PCSK9: variants seen among roughly 807,000 people sequenced by gnomAD.
PCSK9 encodes proprotein convertase subtilisin/kexin type 9.
A neutral mutation model predicts 62.1 loss-of-function variants in PCSK9; 57 were observed. That is an observed-to-expected ratio of 0.92 (90% CI 0.74 to 1.14). The LOEUF (loss-of-function observed/expected upper bound fraction) is 1.14, where lower values mean the gene tolerates loss of function less well. Ranked by LOEUF, PCSK9 falls within the 50% of genes most tolerant of loss-of-function variation. PCSK9 has a pLI of 0.00. For synonymous variants in PCSK9, 387 were observed against 409.4 expected, an observed-to-expected ratio of 0.95 and a Z score of 0.66; for missense variants, 870 against 959.8, an observed-to-expected ratio of 0.91 and a Z score of 1.24.
At chr1:55,055,937 G>T in intron 5 of PCSK9, 56 bp from the exon 6 acceptor site, 1 of 1,499,562 alleles carries the variant, frequency 6.7e-7, no homozygotes, top group Non-Finnish European at 9.1e-7. Context: ...TAAGGGAGGG[G>T]CTGGGAAAGG....
intron 2 of PCSK9, among the ~76,000 whole-genome samples, chr1:55,046,258 T>C (rs1644634010): frequency 6.6e-6 from 1 of 152,228 alleles, no homozygotes; most frequent in African/African-American, 2.4e-5. Flanking sequence ...CCAGACAAGA[T>C]GTCAAGTTCA....
intron 7 of PCSK9, 40 bp from the exon 8 acceptor site, chr1:55,057,996 C>T (rs1189422896): frequency 1.9e-6 from 3 of 1,612,794 alleles, no homozygotes; most frequent in Non-Finnish European, 2.5e-6. Context: ...GGCAGGAGGG[C>T]CGGGCCATCA....
intron 3 of PCSK9, among the ~76,000 whole-genome samples, chr1:55,049,347 C>T (rs1214578202): frequency 1.3e-5 from 2 of 152,214 alleles, no homozygotes; most frequent in Admixed American, 6.5e-5. Context: ...AGAACTTGGC[C>T]ACAGTCTGAG....
intron 3 of PCSK9, among the ~76,000 whole-genome samples, chr1:55,047,268 T>C (rs768650771): frequency 3.9e-5 from 6 of 152,106 alleles, no homozygotes; most frequent in Non-Finnish European, 7.4e-5. Flanking sequence ...GGCAATTCAG[T>C]CGGGGAAGAC....
chr1:55,051,730 A>G (rs762881190), intron 3 of PCSK9: 2 of 217,276 alleles, frequency 9.2e-6, no homozygotes, highest in Non-Finnish European at 1.9e-5. Context: ...AGTCCCCGTG[A>G]GCCCTCCTGG....
chr1:55,052,543 C>A, intron 4 of PCSK9, 107 bp from the exon 5 acceptor site: 1 of 1,603,908 alleles, frequency 6.2e-7, no homozygotes, highest in South Asian at 1.1e-5. Context: ...ACTGTCCCCT[C>A]CCTGCCATCA....
chr1:55,052,734 C>A lies in PCSK9; in HGVS notation c.742C>A (p.Arg248Ser). 1.2e-6 allele frequency: 2 copies of A among 1,613,166 alleles called. No individual in the cohort carries two copies. Among genetic ancestry groups the A allele is most frequent in the Non-Finnish European group, 1.7e-6 (2 of 1,180,024 alleles). The change falls in exon 5 of 12, where the codon CGC becomes AGC. Residue 248 changes from arginine (R) to serine (S), a missense_variant. By Grantham distance (110) the Arg-to-Ser change is moderately radical. Coordinates refer to ENST00000302118, the MANE Select transcript of PCSK9 (RefSeq NM_174936.4). The part of the protein sequence containing the change: ...DAGVAKGASM[R>S]SLRVLNCQGK... ...CGGCGTGGCCAAGGGTGCCAGCATG[C>A]GCAGCCTGCGCGTGCTCAACTGCCA...
Position 55,043,976 on chromosome 1 carries a change from T to C in PCSK9, c.341T>C (p.Val114Ala), listed in dbSNP as rs775988212. ...GGATACCTCACCAAGATCCTGCATG[T>C]CTTCCATGGCCTTCTTCCTGGCTTC... Reference protein sequence around the residue: ...RRGYLTKILHVFHGLLPGFLV... With the variant: ...RRGYLTKILHAFHGLLPGFLV... The change falls in exon 2 of 12, where the codon GTC becomes GCC. Residue 114 changes from valine to alanine, a missense_variant. Transcript: ENST00000302118. 2.7e-5 allele frequency: 43 copies of C among 1,614,108 alleles called. No homozygotes were observed. The highest frequency in any genetic ancestry group is 3.6e-5 in the Non-Finnish European group (42 of 1,180,042).
At chr1:55,056,894 G>A (rs1355925195) in intron 6 of PCSK9, among the ~76,000 whole-genome samples, 1 of 152,070 alleles carries the variant, frequency 6.6e-6, no homozygotes, top group Non-Finnish European at 1.5e-5. Flanking sequence ...GGGGGTGGGG[G>A]TTGCAGAGCA....
chr1:55,052,624 A>T lies in PCSK9; in HGVS notation c.658-26A>T, dbSNP rs752278524. On this transcript the variant is annotated intron_variant, in intron 4 of 11. Transcript: ENST00000302118. The stretch of plus-strand genomic sequence containing the variant: ...ATAGGGTGGAGGGGGGGTCTTTCTC[A>T]TGTGGTCCTTGTGTTCGTCGAGCAG... 2.4e-5 allele frequency: 38 copies of T among 1,611,766 alleles called. No homozygotes were observed. The South Asian group carries it at 4.1e-4, about 17-fold the overall frequency.
intron 2 of PCSK9, 130 bp from the exon 3 acceptor site, chr1:55,046,393 A>C: frequency 4.3e-6 from 6 of 1,396,388 alleles, no homozygotes; most frequent in Non-Finnish European, 6.1e-6. Context: ...GGGCACTAGC[A>C]GGGACAAGGT....
Position 55,056,041 on chromosome 1 carries a change from T to G in PCSK9, c.848T>G (p.Leu283Arg), listed in dbSNP as rs1644711279. Residue 283 changes from leucine to arginine, a missense_variant, in exon 6 of 12, where the codon CTG becomes CGG. Coordinates refer to ENST00000302118, the MANE Select transcript of PCSK9 (RefSeq NM_174936.4). The part of the protein sequence containing the change: ...KSQLVQPVGP[L>R]VVLLPLAGGY... Reference sequence around the variant, plus strand: ...CAGCTGGTCCAGCCTGTGGGGCCACTGGTGGTGCTGCTGCCCCTGGCGGGT... The same window carrying G: ...CAGCTGGTCCAGCCTGTGGGGCCACGGGTGGTGCTGCTGCCCCTGGCGGGT... 6.2e-7 allele frequency: 1 copy of G among 1,609,588 alleles called. No homozygotes were observed. Among genetic ancestry groups the G allele is most frequent in the Non-Finnish European group, 8.5e-7 (1 of 1,177,310 alleles).
intron 2 of PCSK9, among the ~76,000 whole-genome samples, chr1:55,044,552 G>T (rs1644620076): frequency 6.6e-6 from 1 of 152,134 alleles, no homozygotes; most frequent in Admixed American, 6.5e-5. Context: ...GCAGAAAGGG[G>T]ACTGGGTATT....
rs746085210 is a variant in PCSK9, at chr1:55,058,083, G to A, written c.1228G>A (p.Glu410Lys). 26 of 1,613,660 alleles carry A rather than the reference G, an allele frequency of 1.6e-5. No individual in the cohort carries two copies. The highest frequency in any genetic ancestry group is 1.0e-4 in the Admixed American group (6 of 60,004). Residue 410 changes from glutamate to lysine, a missense_variant, in exon 8 of 12, where the codon GAG becomes AAG. By Grantham distance (56) the Glu-to-Lys change is moderately conservative. Coordinates refer to ENST00000302118, the MANE Select transcript of PCSK9 (RefSeq NM_174936.4). ...TGCCGAGCCGGAGCTCACCCTGGCC[G>A]AGTTGAGGCAGAGACTGATCCACTT... is the stretch of plus-strand genomic sequence containing the variant. ...LSAEPELTLAELRQRLIHFSA... is the reference protein window; with the variant it reads ...LSAEPELTLAKLRQRLIHFSA...
In PCSK9 at chr1:55,040,022, C is replaced by A. The variant is rs886039839; in HGVS notation, c.185C>A (p.Ala62Asp). Reference protein sequence around the residue: ...LAEAPEHGTTATFHRCAKDPW... With the variant: ...LAEAPEHGTTDTFHRCAKDPW... ...GAAGCACCCGAGCACGGAACCACAGCCACCTTCCACCGCTGCGCCAAGGTG... is the reference window on the plus strand; with the variant it reads ...GAAGCACCCGAGCACGGAACCACAGACACCTTCCACCGCTGCGCCAAGGTG... Residue 62 changes from alanine to aspartate, a missense_variant, in exon 1 of 12, where the codon GCC becomes GAC. Coordinates refer to ENST00000302118, the MANE Select transcript of PCSK9 (RefSeq NM_174936.4). The surrounding 1 kb of genome is among the most constrained non-coding windows in gnomAD (Gnocchi z 4.1). 2 of 1,572,328 alleles carry A rather than the reference C, an allele frequency of 1.3e-6. No homozygotes were observed. Among genetic ancestry groups the A allele is most frequent in the Non-Finnish European group, 1.7e-6 (2 of 1,159,414 alleles).
chr1:55,043,318 C>A (rs1644609629), intron 1 of PCSK9, among the ~76,000 whole-genome samples: 1 of 152,256 alleles, frequency 6.6e-6, no homozygotes, highest in Non-Finnish European at 1.5e-5. Context: ...TTGACTTTCC[C>A]AGCAGGCCTA....
At position 55,063,405 on chromosome 1, in the gene PCSK9, G is replaced by A. The variant is rs1320865562; in HGVS notation, c.1900G>A (p.Gly634Ser). Residue 634 changes from glycine (G) to serine (S), a missense_variant, in exon 12 of 12, where the codon GGC becomes AGC. Gly to Ser is a moderately conservative substitution (Grantham distance 56). Transcript: ENST00000302118. ...CTGCGAGGAGGGCTGGACCCTGACT[G>A]GCTGCAGTGCCCTCCCTGGGACCTC... ...VACEEGWTLT[G>S]CSALPGTSHV... is the part of the protein sequence containing the mutation. 1.2e-6 allele frequency: 2 copies of A among 1,613,808 alleles called. No homozygotes were observed. Among genetic ancestry groups the A allele is most frequent in the African/African-American group, 2.7e-5 (2 of 74,942 alleles).
intron 3 of PCSK9, chr1:55,050,914 G>A (rs1351089058): frequency 8.6e-6 from 3 of 347,272 alleles, no homozygotes; most frequent in Admixed American, 4.0e-5. Flanking sequence ...GCGGTGGGCT[G>A]TAAGTCCTGT....
intron 11 of PCSK9, among the ~76,000 whole-genome samples, chr1:55,062,719 G>A (rs370505879): frequency 6.6e-6 from 1 of 152,174 alleles, no homozygotes; most frequent in African/African-American, 2.4e-5. Flanking sequence ...GAGATGGGGG[G>A]TGCCTCAGAG....
Sources: gnomAD v4.1 joint callset for allele counts (sites outside exome capture counted in the v4.1 genomes callset) on GRCh38, gnomAD v4.1.1 for gene constraint, Gnocchi (gnomAD v3.1) non-coding constraint, MANE v1.5 for transcripts, NCBI Gene and HGNC (gene_info 2026-07-23, HGNC 2026-07-21) for gene names.